Variants in ANXA7 observed in about 807,000 individuals in gnomAD.
ANXA7 encodes the protein annexin A7.
A neutral mutation model predicts 64.9 loss-of-function variants in ANXA7; 55 were observed. That is an observed-to-expected ratio of 0.85 (90% CI 0.68 to 1.06). ANXA7 has a LOEUF of 1.06. ANXA7 is among the 50% of genes least tolerant of loss of function. The probability of loss-of-function intolerance (pLI) is 0.00; values close to 1 mark genes in which losing one functional copy is unlikely to be tolerated. For missense variants in ANXA7, 548 were observed against 582.1 expected (o/e 0.94, Z 0.60); for synonymous variants, 200 against 192.4 (o/e 1.04, Z -0.33).
At chr10:73,408,189 G>A (rs1018568243) in intron 1 of ANXA7, 8 of 152,016 alleles carry the variant, frequency 5.3e-5, no homozygotes, top group Non-Finnish European at 5.9e-5. Flanking sequence ...GTGCAGCGGC[G>A]CCCACCTGTA....
Position 73,378,930 on chromosome 10 carries a change from A to G in ANXA7, c.1259T>C (p.Ile420Thr), listed in dbSNP as rs143379385. The part of the protein sequence containing the change: ...AGTDDSTLVR[I>T]VVTRSEIDLV... ...CCTCACCTCACTTCGAGTGACCACA[A>G]TCCGGACCAGGGTGGAGTCATCTGT... Residue 420 changes from isoleucine (I) to threonine (T), a missense_variant, in exon 12 of 13, where the codon ATT becomes ACT. By Grantham distance (89) the Ile-to-Thr change is moderately conservative. Transcript: ENST00000372921. 20 of 1,613,250 alleles carry G rather than the reference A, an allele frequency of 1.2e-5. No individual in the cohort carries two copies. Among genetic ancestry groups the G allele is most frequent in the Non-Finnish European group, 1.6e-5 (19 of 1,179,596 alleles).
Position 73,376,207 on chromosome 10 carries a change from A to G in ANXA7, c.1289T>C (p.Val430Ala). 6.3e-7 allele frequency: 1 copy of G among 1,581,424 alleles called. No homozygotes were observed. Among genetic ancestry groups the G allele is most frequent in the Non-Finnish European group, 8.6e-7 (1 of 1,166,450 alleles). ...CTGAGCGAACATCTGTTTTATTTGT[A>G]CAAGGTCAATCTGCATAAGAAATAA... ...IVVTRSEIDL[V>A]QIKQMFAQMY... is the part of the protein sequence containing the mutation. The change falls in exon 13 of 13, where the codon GTA becomes GCA. Residue 430 changes from valine (V) to alanine (A), a missense_variant. Transcript: ENST00000372921.
At chr10:73,400,890 T>C in intron 1 of ANXA7, 33 bp from the exon 2 acceptor site, 2 of 1,551,666 alleles carry the variant, frequency 1.3e-6, no homozygotes, top group South Asian at 2.3e-5. Context: ...CCTCTGTAAG[T>C]TTTTTGTTGT....
intron 7 of ANXA7, 112 bp downstream of exon 7, chr10:73,387,577 A>T: frequency 1.2e-6 from 1 of 834,030 alleles, no homozygotes; most frequent in Non-Finnish European, 2.1e-6. Flanking sequence ...TCTAAAGTCT[A>T]GTTGTCCCTC....
chr10:73,382,173 C>G (rs943357262), intron 9 of ANXA7, among the ~76,000 whole-genome samples: 2 of 152,146 alleles, frequency 1.3e-5, no homozygotes, highest in African/African-American at 2.4e-5. Flanking sequence ...CACACCCAGC[C>G]CCTCCCTTGG....
chr10:73,400,278 A>C (rs1018900257), intron 2 of ANXA7, among the ~76,000 whole-genome samples: 1 of 152,188 alleles, frequency 6.6e-6, no homozygotes, highest in African/African-American at 2.4e-5. Context: ...CTCCAAGTCT[A>C]AGAACTACAA....
At chr10:73,396,323 C>T (rs1373538460) in intron 5 of ANXA7, among the ~76,000 whole-genome samples, 196 bp downstream of exon 5, 1 of 152,142 alleles carries the variant, frequency 6.6e-6, no homozygotes, top group East Asian at 1.9e-4. Context: ...TAGACCTATG[C>T]TTGTCTTCTC....
rs928402961 is a variant in ANXA7 at position 73,375,515 on chromosome 10, T to A, written c.*580A>T. ...ACAACTGCGAAAAAAAAGTAGGCTA[T>A]GTATCTTAAGCATATAAACATTTGA... is the stretch of plus-strand genomic sequence containing the variant. On this transcript the variant is annotated 3_prime_UTR_variant, in exon 13 of 13. Coordinates refer to ENST00000372921, the MANE Select transcript of ANXA7 (RefSeq NM_001156.5). The A allele has an allele frequency of 2.6e-5, 4 of 152,230 alleles. No homozygotes were observed. Among genetic ancestry groups the A allele is most frequent in the African/African-American group, 9.6e-5 (4 of 41,462 alleles). 9.4% of individuals were successfully genotyped at this position (152,230 alleles called of 1,614,324 possible).
chr10:73,407,719 T>C (rs2055780538), intron 1 of ANXA7, among the ~76,000 whole-genome samples: 1 of 152,198 alleles, frequency 6.6e-6, no homozygotes, highest in African/African-American at 2.4e-5. Flanking sequence ...ATAGAAAGAT[T>C]AAGTATTCAG....
At chr10:73,383,921 A>G (rs1254176658) in intron 7 of ANXA7, among the ~76,000 whole-genome samples, 1 of 152,100 alleles carries the variant, frequency 6.6e-6, no homozygotes, top group East Asian at 1.9e-4. Flanking sequence ...GGAGATCAAG[A>G]CCATCCTGGT....
intron 1 of ANXA7, among the ~76,000 whole-genome samples, chr10:73,405,097 G>T (rs963095905): frequency 9.2e-5 from 14 of 152,132 alleles, no homozygotes; most frequent in African/African-American, 3.4e-4. Flanking sequence ...CAAAAAATTA[G>T]CCGGGTGTGG....
chr10:73,405,493 CACACCA>C (rs2055742530), intron 1 of ANXA7, among the ~76,000 whole-genome samples: 1 of 150,606 alleles, frequency 6.6e-6, no homozygotes, highest in Non-Finnish European at 1.5e-5. Flanking sequence ...GAGCCAAGAT[CACACCA>C]CTGCACTCCA....
At chr10:73,385,472 T>C (rs539435267) in intron 7 of ANXA7, among the ~76,000 whole-genome samples, 1 of 152,140 alleles carries the variant, frequency 6.6e-6, no homozygotes, top group Non-Finnish European at 1.5e-5. Context: ...ATTAGATCAA[T>C]AAAAACTAGT....
chr10:73,384,570 T>G (rs1052687791), intron 7 of ANXA7, among the ~76,000 whole-genome samples: 1 of 151,988 alleles, frequency 6.6e-6, no homozygotes, highest in Non-Finnish European at 1.5e-5. Flanking sequence ...CCAGGCTAAT[T>G]TTTGTATTTT....
intron 5 of ANXA7, among the ~76,000 whole-genome samples, chr10:73,390,360 T>A (rs1467290017): frequency 6.6e-6 from 1 of 152,310 alleles, no homozygotes; most frequent in African/African-American, 2.4e-5. Flanking sequence ...CCCACTCATA[T>A]ATATTTTTAC....
Position 73,398,287 on chromosome 10 carries a change from A to G in ANXA7, c.153T>C (p.Ser51=), listed in dbSNP as rs748826065. 2 of 1,614,106 alleles carry G rather than the reference A, an allele frequency of 1.2e-6. No individual in the cohort carries two copies. The highest frequency in any genetic ancestry group is 1.1e-5 in the South Asian group (1 of 91,070). ...MGGGAYPQVP[S]SGYPGAGGYP... is the part of the protein sequence containing the mutation. ...AGCCTCCAGCTCCTGGGTAGCCACT[A>G]CTTGGCACTTGTGGGTAGGCACCTC... Residue 51 remains serine, a synonymous_variant, in exon 3 of 13, where the codon AGT becomes AGC. Transcript: ENST00000372921.
chr10:73,379,591 C>A (rs540903258), intron 11 of ANXA7, among the ~76,000 whole-genome samples: 25 of 152,304 alleles, frequency 1.6e-4, no homozygotes, highest in African/African-American at 5.8e-4. Flanking sequence ...GGTATTCTGG[C>A]ACAGTTATCA....
In ANXA7 at chr10:73,376,199, T is replaced by A. The variant is rs1388604274; in HGVS notation, c.1297A>T (p.Lys433Ter). ...TGATACATCTGAGCGAACATCTGTT[T>A]TATTTGTACAAGGTCAATCTGCATA... is the stretch of plus-strand genomic sequence containing the variant. ...TRSEIDLVQI[K>*]QMFAQMYQKT... is the part of the protein sequence containing the mutation. Residue 433 changes from lysine (K) to a stop codon, truncating the protein, a stop_gained, in exon 13 of 13, where the codon AAA becomes TAA. Transcript: ENST00000372921. LOFTEE classifies it high-confidence loss of function. The A allele has an allele frequency of 6.3e-7, 1 of 1,592,300 alleles. No individual in the cohort carries two copies. The highest frequency in any genetic ancestry group is 8.5e-7 in the Non-Finnish European group (1 of 1,170,584).
In ANXA7 at chr10:73,380,730, T is replaced by C. The variant is rs1367642820; in HGVS notation, c.919-529A>G. 3.9e-5 allele frequency among the ~76,000 whole-genome samples: 6 copies of C among 152,318 alleles called. No individual in the cohort carries two copies. In the South Asian group the frequency reaches 8.3e-4, roughly 21 times the overall value. ...GAGGTTATGTTAAAAATGAGGGCTT[T>C]TGGGAGCTAAATTAAACCCAAAATG... On this transcript the variant is annotated intron_variant, in intron 9 of 12. Transcript: ENST00000372921.
Sources: allele counts gnomAD v4.1 joint callset (sites outside exome capture counted in the v4.1 genomes callset), GRCh38; gene constraint gnomAD v4.1.1; transcripts MANE v1.5; gene names NCBI Gene and HGNC (gene_info 2026-07-23, HGNC 2026-07-21).